Variants in TPP2 observed in about 807,000 individuals in gnomAD.
TPP2 encodes the protein tripeptidyl-peptidase 2.
TPP2 carries 34 observed loss-of-function variants against 155.9 expected under a neutral mutation model. That is an observed-to-expected ratio of 0.22 (90% CI 0.17 to 0.29). TPP2 has a LOEUF of 0.29. Among genes scored for constraint, TPP2 ranks in the 10% least tolerant of loss-of-function variants. TPP2 has a pLI of 1.00. For synonymous variants in TPP2, 510 were observed against 529.4 expected (o/e 0.96, Z 0.50); for missense variants, 1,028 against 1,522.3 (o/e 0.68, Z 5.40).
intron 14 of TPP2, among the ~76,000 whole-genome samples, chr13:102,637,864 A>G (rs1030312630): frequency 6.6e-6 from 1 of 152,182 alleles, no homozygotes; most frequent in African/African-American, 2.4e-5. Context: ...TATACCTTTT[A>G]GTACTCAGAT....
intron 27 of TPP2, among the ~76,000 whole-genome samples, chr13:102,670,034 A>T (rs1884867706): frequency 6.6e-6 from 1 of 152,174 alleles, no homozygotes; most frequent in Non-Finnish European, 1.5e-5. Context: ...GCCAGTATTA[A>T]GGCTCCAACC....
At chr13:102,673,445 C>T (rs1885104987) in intron 27 of TPP2, among the ~76,000 whole-genome samples, 2 of 152,160 alleles carry the variant, frequency 1.3e-5, no homozygotes, top group Non-Finnish European at 2.9e-5. Flanking sequence ...GACAGAATGC[C>T]TCAAATAAGC....
chr13:102,640,191 T>TG, intron 15 of TPP2, 79 bp from the exon 16 acceptor site: 1 of 1,044,856 alleles, frequency 9.6e-7, no homozygotes, highest in South Asian at 1.8e-5. Flanking sequence ...ATTGTTATTT[T>TG]GCGTTTATCC....
At chr13:102,624,837 T>G (rs1254904980) in intron 6 of TPP2, among the ~76,000 whole-genome samples, 1 of 107,584 alleles carries the variant, frequency 9.3e-6, no homozygotes, top group Non-Finnish European at 1.9e-5. Context: ...AACATGTACT[T>G]AATTTTTTTT....
chr13:102,643,130 G>C, intron 16 of TPP2, 92 bp from the exon 17 acceptor site: 1 of 1,204,430 alleles, frequency 8.3e-7, no homozygotes, highest in Non-Finnish European at 1.1e-6. Context: ...CCCTACATGG[G>C]AATTATCCCT....
chr13:102,626,731 G>A (rs898607933), intron 6 of TPP2, among the ~76,000 whole-genome samples: 1 of 152,166 alleles, frequency 6.6e-6, no homozygotes, highest in African/African-American at 2.4e-5. Context: ...TGCCCTTTGG[G>A]TATCTTCTTT....
chr13:102,608,360 G>A (rs77280068), intron 2 of TPP2, among the ~76,000 whole-genome samples: 2,301 of 151,758 alleles, frequency 0.015, 60 homozygotes, highest in East Asian at 0.12. Context: ...TAATTCTCAG[G>A]TCCTTTATTT....
chr13:102,651,274 A>C, intron 23 of TPP2, 85 bp from the exon 24 acceptor site: 1 of 1,468,946 alleles, frequency 6.8e-7, no homozygotes, highest in South Asian at 1.3e-5. Context: ...TGGAACATAA[A>C]CTGAAAGACA....
intron 1 of TPP2, among the ~76,000 whole-genome samples, chr13:102,603,172 A>T (rs1009194318): frequency 2.0e-5 from 3 of 152,222 alleles, no homozygotes; most frequent in African/African-American, 7.2e-5. Flanking sequence ...AGTGCTAAGT[A>T]ACTTGTGTCT....
Position 102,658,911 on chromosome 13 carries a change from A to G in TPP2, c.3143+1704A>G, listed in dbSNP as rs372015355. Among the ~76,000 whole-genome samples, 39 of 152,308 alleles carry G rather than the reference A, an allele frequency of 2.6e-4. 1 individual carries two copies. In the South Asian group the frequency reaches 6.2e-3, roughly 24 times the overall value. ...TACTGTTGGGAACACTGGGGCCCCA[A>G]TGCCCAGGAGGCTGTGGTTCCATAC... On this transcript the variant is annotated intron_variant, in intron 25 of 29. Transcript: ENST00000376052.
chr13:102,675,343 T>C (rs1037145352), intron 28 of TPP2, among the ~76,000 whole-genome samples: 2 of 152,208 alleles, frequency 1.3e-5, no homozygotes, highest in Non-Finnish European at 2.9e-5. Context: ...GGTCAGGAAT[T>C]TGAATCTGAA....
intron 2 of TPP2, among the ~76,000 whole-genome samples, chr13:102,611,353 A>G (rs928101855): frequency 6.6e-6 from 1 of 152,206 alleles, no homozygotes. Flanking sequence ...ACTGGACAGG[A>G]CATCTTCTTG....
intron 2 of TPP2, among the ~76,000 whole-genome samples, chr13:102,609,317 G>T (rs1321551640): frequency 1.3e-5 from 2 of 151,298 alleles, no homozygotes; most frequent in Admixed American, 6.6e-5. Flanking sequence ...CATGGGGAAG[G>T]TGAAGGGGAA....
chr13:102,640,483 A>C (rs1475328220), intron 16 of TPP2, 107 bp downstream of exon 16: 10 of 855,458 alleles, frequency 1.2e-5, no homozygotes, highest in Non-Finnish European at 1.7e-5. Context: ...TGGTACTAAT[A>C]TATGTATTTG....
chr13:102,674,378 G>A lies in TPP2; in HGVS notation c.3467G>A (p.Gly1156Glu), dbSNP rs1422882398. The A allele has an allele frequency of 6.2e-7, 1 of 1,613,856 alleles. No homozygotes were observed. Among genetic ancestry groups the A allele is most frequent in the Non-Finnish European group, 8.5e-7 (1 of 1,179,890 alleles). Residue 1156 changes from glycine to glutamate, a missense_variant, in exon 28 of 30, where the codon GGA becomes GAA. Around this residue, in one of 7 missense-constraint regions of TPP2, gnomAD observed 116 missense variants for 117.3 expected, o/e 0.99. Transcript: ENST00000376052. ...CTTCTTCACACCCAGGCTCAAGACG[G>A]AGCCATTTCCACTGATGCAGAAGGA... Reference protein sequence around the residue: ...DHLLHTQAQDGAISTDAEGKE... With the variant: ...DHLLHTQAQDEAISTDAEGKE...
chr13:102,666,595 T>A (rs1884608738), intron 27 of TPP2, among the ~76,000 whole-genome samples: 4 of 152,150 alleles, frequency 2.6e-5, no homozygotes, highest in Admixed American at 2.6e-4. Context: ...TTTTTTACAT[T>A]TTGTGAAAAT....
intron 4 of TPP2, among the ~76,000 whole-genome samples, chr13:102,617,231 T>C (rs1465851678): frequency 6.6e-6 from 1 of 152,150 alleles, no homozygotes; most frequent in Non-Finnish European, 1.5e-5. Context: ...TCTCTAATTA[T>C]ATGTATTATT....
At position 102,644,470 on chromosome 13, in the gene TPP2, A is replaced by C. The variant is rs1697583277; in HGVS notation, c.2176-87A>C. ...CTACAAACAGGAAAAGTTTGAAAAC[A>C]GAATTGCTCTGAAACAGCTAGTATT... On this transcript the variant is annotated intron_variant, in intron 17 of 29. Coordinates refer to ENST00000376052, the MANE Select transcript of TPP2 (RefSeq NM_001330588.2). 10 of 1,077,314 alleles carry C rather than the reference A, an allele frequency of 9.3e-6. No individual in the cohort carries two copies. In the East Asian group the frequency reaches 2.9e-4, roughly 31 times the overall value. 66.7% of individuals were successfully genotyped at this position (1,077,314 alleles called of 1,614,324 possible).
chr13:102,613,078 G>T (rs992620950), intron 2 of TPP2, among the ~76,000 whole-genome samples: 1 of 152,198 alleles, frequency 6.6e-6, no homozygotes, highest in African/African-American at 2.4e-5. Context: ...TTTAAAGAAG[G>T]TTCAGTTTTG....
Sources: gnomAD v4.1 joint callset for allele counts (sites outside exome capture counted in the v4.1 genomes callset) on GRCh38, gnomAD v4.1.1 for gene constraint, gnomAD v4.1.1 regional missense constraint, MANE v1.5 for transcripts, NCBI Gene and HGNC (gene_info 2026-07-23, HGNC 2026-07-21) for gene names.